The following VPS13C variants were observed in gnomAD, a reference collection of about 807,000 sequenced individuals.
VPS13C encodes the protein intermembrane lipid transfer protein VPS13C.
Under a neutral mutation model 456.8 loss-of-function variants are expected in VPS13C, and 358 were observed. The observed-to-expected ratio is 0.78, with a 90% CI of 0.72 to 0.86. The LOEUF (loss-of-function observed/expected upper bound fraction) is 0.86, where lower values mean the gene tolerates loss of function less well. Among genes scored for constraint, VPS13C ranks in the 40% least tolerant of loss-of-function variants. The pLI is 0.00. For synonymous variants in VPS13C, 1,578 were observed against 1,486.7 expected, an observed-to-expected ratio of 1.06 and a Z score of -1.41; for missense variants, 4,818 against 4,385.4, an observed-to-expected ratio of 1.10 and a Z score of -2.79.
In VPS13C at chr15:61,917,411, T is replaced by C. The variant is rs1185642809; in HGVS notation, c.7985A>G (p.Tyr2662Cys). Residue 2662 changes from tyrosine (Y) to cysteine (C), a missense_variant, in exon 60 of 85, where the codon TAC (tyrosine) becomes TGC (cysteine). Physicochemically the swap from Tyr to Cys is radical, Grantham distance 194. Coordinates refer to ENST00000644861, the MANE Select transcript of VPS13C (RefSeq NM_020821.3). ...GAGAGAAGGATAAAGATGAATAATG[T>C]AAGCTACATCCCAGTCTTCCCCATG... ...CTHGEDWDVA[Y>C]IIHLYPSLTL... The C allele has an allele frequency of 1.2e-6, 2 of 1,613,872 alleles. No individual in the cohort carries two copies. Among genetic ancestry groups the C allele is most frequent in the African/African-American group, 2.7e-5 (2 of 74,932 alleles).
intron 60 of VPS13C, among the ~76,000 whole-genome samples, chr15:61,917,067 C>G (rs1390873183): frequency 6.6e-6 from 1 of 152,128 alleles, no homozygotes; most frequent in Non-Finnish European, 1.5e-5. Context: ...CCATTTTCAA[C>G]TCAGTTTTCT....
chr15:61,891,992 G>A (rs1199420954), intron 66 of VPS13C, among the ~76,000 whole-genome samples: 1 of 152,140 alleles, frequency 6.6e-6, no homozygotes, highest in East Asian at 1.9e-4. Context: ...GAATCTGCCT[G>A]GCACTGCATG....
In VPS13C at chr15:61,882,638, A is replaced by T; in HGVS notation, c.9582T>A (p.Ser3194=). Residue 3194 remains serine (S), a synonymous_variant, in exon 69 of 85, where the codon TCT becomes TCA. Transcript: ENST00000644861. ...TGGCCCTTAAACTTCTCTGGTGAGA[A>T]GACTGCTTAAATTCAATCTGAATTC... The part of the protein sequence containing the change: ...LSGIQIEFKQ[S]SHQRSLRARL... The T allele has an allele frequency of 6.2e-7, 1 of 1,603,374 alleles. No individual in the cohort carries two copies. Among genetic ancestry groups the T allele is most frequent in the Non-Finnish European group, 8.5e-7 (1 of 1,175,154 alleles).
At chr15:61,908,334 G>A (rs909640721) in intron 65 of VPS13C, among the ~76,000 whole-genome samples, 6 of 151,216 alleles carry the variant, frequency 4.0e-5, no homozygotes, top group Non-Finnish European at 7.4e-5. Flanking sequence ...GTGTATATAT[G>A]CATGAATATA....
At chr15:61,955,147 A>C (rs1287699957) in intron 37 of VPS13C, among the ~76,000 whole-genome samples, 1 of 152,188 alleles carries the variant, frequency 6.6e-6, no homozygotes, top group Non-Finnish European at 1.5e-5. Context: ...AATTGTTTTA[A>C]ACTGTAATAC....
intron 8 of VPS13C, among the ~76,000 whole-genome samples, chr15:62,021,297 T>A (rs1408435023): frequency 1.3e-5 from 2 of 151,668 alleles, no homozygotes; most frequent in Non-Finnish European, 2.9e-5. Context: ...TTACACATTT[T>A]AAAAAAAAGG....
chr15:61,969,463 TAG>T lies in VPS13C; in HGVS notation c.2758-13_2758-12del. Reference sequence around the variant, plus strand: ...AAATTCCAAAATCACCTAAAAGAATTAGAGTCAATGAAAAGTTGATAAGAAGT... The same window carrying T: ...AAATTCCAAAATCACCTAAAAGAATTAGTCAATGAAAAGTTGATAAGAAGT... On this transcript the variant is annotated splice_polypyrimidine_tract_variant and intron_variant, in intron 27 of 84. Transcript: ENST00000644861. The T allele has an allele frequency of 1.3e-6, 2 of 1,495,258 alleles. No individual in the cohort carries two copies. Among genetic ancestry groups the T allele is most frequent in the Non-Finnish European group, 1.8e-6 (2 of 1,115,494 alleles). 92.6% of individuals were successfully genotyped at this position (1,495,258 alleles called of 1,614,324 possible). A position where few individuals can be genotyped will look rare whatever the true frequency, so the allele number is the denominator to read the frequency against.
At chr15:62,037,278 ATTATATATATTATAT>A (rs1567136632) in intron 3 of VPS13C, among the ~76,000 whole-genome samples, 3,584 of 71,366 alleles carry the variant, frequency 0.05, 266 homozygotes, top group East Asian at 0.17. Context: ...TATATAATAT[ATTATATATATTATAT>A]TATATAATAT....
chr15:62,011,977 G>T (rs772582594), intron 12 of VPS13C, 130 bp downstream of exon 12: 3 of 567,542 alleles, frequency 5.3e-6, no homozygotes, highest in Non-Finnish European at 6.2e-6. Context: ...CAAACATGTT[G>T]TATCATAATA....
intron 1 of VPS13C, among the ~76,000 whole-genome samples, chr15:62,059,040 T>A (rs1476058244): frequency 6.6e-6 from 1 of 151,852 alleles, no homozygotes; most frequent in Non-Finnish European, 1.5e-5. Flanking sequence ...AGAAGCCAAG[T>A]TTAAAAAGAA....
intron 67 of VPS13C, among the ~76,000 whole-genome samples, chr15:61,889,306 T>C (rs559976813): frequency 5.5e-4 from 83 of 152,198 alleles, no homozygotes; most frequent in African/African-American, 1.8e-3. Context: ...AAAGAATGCA[T>C]TGTCTATCTA....
intron 16 of VPS13C, among the ~76,000 whole-genome samples, chr15:61,997,058 G>C (rs1274511066): frequency 6.6e-6 from 1 of 150,938 alleles, no homozygotes; most frequent in East Asian, 1.9e-4. Context: ...GAGTGCAAAA[G>C]AAGAGAATAA....
Position 62,033,400 on chromosome 15 carries a change from A to G in VPS13C, c.385+41T>C, listed in dbSNP as rs118121454. The stretch of plus-strand genomic sequence containing the variant: ...TTTAAAGGATATTAATTATATCTAA[A>G]ATATAGGTATGTCTAAGTTTATCTC... On this transcript the variant is annotated intron_variant, in intron 5 of 84. Transcript: ENST00000644861. 6.3e-4 allele frequency: 829 copies of G among 1,324,166 alleles called. 22 individuals are homozygous for G. In the East Asian group the frequency reaches 0.021, roughly 33 times the overall value. 82.0% of individuals were successfully genotyped at this position (1,324,166 alleles called of 1,614,324 possible).
intron 78 of VPS13C, among the ~76,000 whole-genome samples, chr15:61,872,757 AACAATAAC>A (rs2140880254): frequency 6.6e-6 from 1 of 152,230 alleles, no homozygotes; most frequent in African/African-American, 2.4e-5. Context: ...TTTACTTATT[AACAATAAC>A]TTTTAAGTTC....
rs1292043701 is a variant in VPS13C at position 61,913,352 on chromosome 15, A to G, written c.8509T>C (p.Tyr2837His). The change falls in exon 62 of 85, where the codon TAT (tyrosine) becomes CAT (histidine). Residue 2837 changes from tyrosine to histidine, a missense_variant. Physicochemically the swap from Tyr to His is moderately conservative, Grantham distance 83. Coordinates refer to ENST00000644861, the MANE Select transcript of VPS13C (RefSeq NM_020821.3). The part of the protein sequence containing the change: ...SSFSLDTVGS[Y>H]GCVKCPANNM... ...TTGGCAGGACACTTCACACACCCATAACTTCCCACTGTATCCAATGAGAAA... is the reference window on the plus strand; with the variant it reads ...TTGGCAGGACACTTCACACACCCATGACTTCCCACTGTATCCAATGAGAAA... The G allele has an allele frequency of 6.2e-7, 1 of 1,614,088 alleles. No homozygotes were observed. The highest frequency in any genetic ancestry group is 1.1e-5 in the South Asian group (1 of 91,078).
chr15:62,004,656 T>C (rs1239851229), intron 15 of VPS13C, among the ~76,000 whole-genome samples: 1 of 151,956 alleles, frequency 6.6e-6, no homozygotes, highest in African/African-American at 2.4e-5. Context: ...TTGTGGGCAT[T>C]TGGTGCTATA....
chr15:61,962,594 T>C (rs1259749416), intron 33 of VPS13C, 56 bp from the exon 34 acceptor site: 1 of 1,504,956 alleles, frequency 6.6e-7, no homozygotes, highest in Non-Finnish European at 8.9e-7. Context: ...CAAAATAAAA[T>C]CTCATTTACA....
chr15:61,991,941 T>C, intron 16 of VPS13C, 139 bp from the exon 17 acceptor site: 1 of 925,132 alleles, frequency 1.1e-6, no homozygotes, highest in Non-Finnish European at 1.6e-6. Context: ...TCTTAAATGA[T>C]GCTCACAACA....
intron 1 of VPS13C, among the ~76,000 whole-genome samples, chr15:62,048,854 G>T (rs1213458841): frequency 6.6e-6 from 1 of 152,212 alleles, no homozygotes; most frequent in Non-Finnish European, 1.5e-5. Flanking sequence ...CTGATGGCCA[G>T]TGATGATGAG....
Sources: gnomAD v4.1 joint callset for allele counts (sites outside exome capture counted in the v4.1 genomes callset) on GRCh38, gnomAD v4.1.1 for gene constraint, MANE v1.5 for transcripts, NCBI Gene and HGNC (gene_info 2026-07-23, HGNC 2026-07-21) for gene names.